The following PPP1R16B variants were observed in gnomAD, a reference collection of about 807,000 sequenced individuals.
The protein encoded by PPP1R16B is protein phosphatase 1 regulatory inhibitor subunit 16B.
A neutral mutation model predicts 61.7 loss-of-function variants in PPP1R16B; 14 were observed. That is an observed-to-expected ratio of 0.23 (90% CI 0.15 to 0.35). The LOEUF (loss-of-function observed/expected upper bound fraction) is 0.35. Among genes scored for constraint, PPP1R16B ranks in the 10% least tolerant of loss-of-function variants. PPP1R16B has a pLI of 1.00. For missense variants in PPP1R16B, 547 were observed against 752.5 expected, an observed-to-expected ratio of 0.73 and a Z score of 3.19; for synonymous variants, 266 against 305.3, an observed-to-expected ratio of 0.87 and a Z score of 1.34.
At position 38,810,073 on chromosome 20, in the gene PPP1R16B, G is replaced by A. The variant is rs894385374; in HGVS notation, c.-102+4281G>A. On this transcript the variant is annotated intron_variant, in intron 1 of 10. Coordinates refer to ENST00000299824, the MANE Select transcript of PPP1R16B (RefSeq NM_015568.4). Reference sequence around the variant, plus strand: ...TATTAATAAGTGCTCACAGATGTTCGTTGCTATTATTAGTCTATTATTGCC... The same window carrying A: ...TATTAATAAGTGCTCACAGATGTTCATTGCTATTATTAGTCTATTATTGCC... Among the ~76,000 whole-genome samples, 22 of 151,302 alleles carry A rather than the reference G, an allele frequency of 1.5e-4. 1 individual carries two copies. Among genetic ancestry groups the A allele is most frequent in the Admixed American group, 1.1e-3 (17 of 15,180 alleles).
chr20:38,867,972 C>T lies in PPP1R16B; in HGVS notation c.251-21623C>T, dbSNP rs548782268. On this transcript the variant is annotated intron_variant, in intron 2 of 10. Coordinates refer to ENST00000299824, the MANE Select transcript of PPP1R16B (RefSeq NM_015568.4). ...ACAGGTGTGAGCCACCACACCTGGCCGTGATTCTTTGATTCTATCAGTTGG... is the reference window on the plus strand; with the variant it reads ...ACAGGTGTGAGCCACCACACCTGGCTGTGATTCTTTGATTCTATCAGTTGG... Among the ~76,000 whole-genome samples the T allele has an allele frequency of 3.9e-5, 6 of 152,290 alleles. No individual in the cohort carries two copies. In the South Asian group the frequency reaches 8.3e-4, roughly 21 times the overall value.
In PPP1R16B at chr20:38,860,981, G is replaced by A. The variant is rs1221873714; in HGVS notation, c.250+24806G>A. Among the ~76,000 whole-genome samples the A allele has an allele frequency of 3.3e-5, 5 of 152,240 alleles. No homozygotes were observed. In the South Asian group the frequency reaches 8.3e-4, roughly 25 times the overall value. ...GCTCTTCCTCCCACTGGGAGTATCC[G>A]TGTTCTCCTCCAGTAGTGCCCATCT... On this transcript the variant is annotated intron_variant, in intron 2 of 10. Coordinates refer to ENST00000299824, the MANE Select transcript of PPP1R16B (RefSeq NM_015568.4).
chr20:38,818,635 T>C lies in PPP1R16B; in HGVS notation c.-102+12843T>C, dbSNP rs77238309. On this transcript the variant is annotated intron_variant, in intron 1 of 10. Coordinates refer to ENST00000299824, the MANE Select transcript of PPP1R16B (RefSeq NM_015568.4). ...TTGGGAACTGCTGCATTCAATATTC[T>C]TGTCTTGACAACAGCTCAGATTAGC... Among the ~76,000 whole-genome samples, 757 of 152,300 alleles carry C rather than the reference T, an allele frequency of 5.0e-3. 6 individuals are homozygous for C. Among genetic ancestry groups the C allele is most frequent in the African/African-American group, 0.017 (703 of 41,554 alleles).
intron 1 of PPP1R16B, among the ~76,000 whole-genome samples, chr20:38,821,040 C>CAAA (rs11483114): frequency 2.5e-4 from 30 of 121,530 alleles, no homozygotes; most frequent in Middle Eastern, 4.6e-3. Flanking sequence ...GACTCCGTCT[C>CAAA]AAAAAAAAAA....
At chr20:38,876,961 A>G (rs1363567710) in intron 2 of PPP1R16B, among the ~76,000 whole-genome samples, 2 of 152,224 alleles carry the variant, frequency 1.3e-5, no homozygotes, top group Non-Finnish European at 2.9e-5. Flanking sequence ...ATGTATGGAA[A>G]GCATTTTTTT....
intron 7 of PPP1R16B, 136 bp downstream of exon 7, chr20:38,906,230 G>A (rs1175519903): frequency 1.2e-6 from 1 of 847,734 alleles, no homozygotes; most frequent in Non-Finnish European, 1.6e-6. Context: ...CTCATATGTG[G>A]GATATGAAAA....
chr20:38,827,385 C>T (rs2084811329), intron 1 of PPP1R16B, among the ~76,000 whole-genome samples: 1 of 152,216 alleles, frequency 6.6e-6, no homozygotes, highest in Non-Finnish European at 1.5e-5. Flanking sequence ...TGAGTTGTTT[C>T]ATCACTCTTT....
At chr20:38,832,445 A>G (rs2084843446) in intron 1 of PPP1R16B, among the ~76,000 whole-genome samples, 1 of 152,184 alleles carries the variant, frequency 6.6e-6, no homozygotes, top group Non-Finnish European at 1.5e-5. Context: ...GTGGTTGTGA[A>G]TTGAACTCTT....
Position 38,918,908 on chromosome 20 carries a change from A to C in PPP1R16B, c.*242A>C. 1 of 440,188 alleles carries C rather than the reference A, an allele frequency of 2.3e-6. No homozygotes were observed. The highest frequency in any genetic ancestry group is 5.9e-5 in the South Asian group (1 of 16,964). The allele number at this position is 440,188 out of a possible 1,614,324, so 27.3% of individuals were successfully genotyped here. The stretch of plus-strand genomic sequence containing the variant: ...AAGGCCTGTCGTGGCCTCCTGGTTC[A>C]CTCTGCTGTCTGATCTTGGGAGGGT... On this transcript the variant is annotated 3_prime_UTR_variant, in exon 11 of 11. Transcript: ENST00000299824. The surrounding 1 kb of genome is among the most constrained non-coding windows in gnomAD (Gnocchi z 5.3).
chr20:38,809,250 G>C (rs192003588), intron 1 of PPP1R16B, among the ~76,000 whole-genome samples: 1 of 151,934 alleles, frequency 6.6e-6, no homozygotes, highest in Admixed American at 6.6e-5. Context: ...CTCCTGGGGC[G>C]GGGGTGGGGG....
chr20:38,832,144 G>A (rs2145717337), intron 1 of PPP1R16B, among the ~76,000 whole-genome samples: 1 of 152,318 alleles, frequency 6.6e-6, no homozygotes. Flanking sequence ...CCACTATCTA[G>A]CGGTGGTATG....
At chr20:38,905,390 C>T (rs1406162572) in intron 6 of PPP1R16B, among the ~76,000 whole-genome samples, 1 of 152,218 alleles carries the variant, frequency 6.6e-6, no homozygotes, top group Non-Finnish European at 1.5e-5. Context: ...CTCAGTTTCT[C>T]ACCTCTTTAG....
Position 38,906,970 on chromosome 20 carries a change from G to A in PPP1R16B, c.823-9G>A, listed in dbSNP as rs1426197015. 1 of 1,613,052 alleles carries A rather than the reference G, an allele frequency of 6.2e-7. No homozygotes were observed. The highest frequency in any genetic ancestry group is 8.5e-7 in the Non-Finnish European group (1 of 1,179,152). On this transcript the variant is annotated splice_polypyrimidine_tract_variant and intron_variant, in intron 7 of 10. Coordinates refer to ENST00000299824, the MANE Select transcript of PPP1R16B (RefSeq NM_015568.4). ...CAGGGGGACACATGAGCTTCTTCCT[G>A]TGTTTCAGATGCAGATGGCAGAGCT...
chr20:38,810,760 C>T (rs79251793), intron 1 of PPP1R16B, among the ~76,000 whole-genome samples: 4,009 of 152,268 alleles, frequency 0.026, 95 homozygotes, highest in Admixed American at 0.073. Context: ...AATGAATGCA[C>T]TTATCCCCCA....
At chr20:38,857,878 T>A (rs992584192) in intron 2 of PPP1R16B, among the ~76,000 whole-genome samples, 1 of 151,968 alleles carries the variant, frequency 6.6e-6, no homozygotes, top group Non-Finnish European at 1.5e-5. Context: ...AGAACTTCAG[T>A]TGGGCACTAG....
rs1320891887 is a variant in PPP1R16B, at chr20:38,835,900, C to G, written c.-26C>G. 3.9e-6 allele frequency: 6 copies of G among 1,519,878 alleles called. No individual in the cohort carries two copies. The highest frequency in any genetic ancestry group is 2.8e-5 in the African/African-American group (2 of 72,624). The allele number at this position is 1,519,878 out of a possible 1,614,324, so 94.1% of individuals were successfully genotyped here. On this transcript the variant is annotated 5_prime_UTR_variant, in exon 2 of 11. Coordinates refer to ENST00000299824, the MANE Select transcript of PPP1R16B (RefSeq NM_015568.4). The stretch of plus-strand genomic sequence containing the variant: ...CCCGGTGCACCGTGCTAGCCCCCAG[C>G]CAGGGCGTTGGGGAGGGCGGTGGCC...
Position 38,900,635 on chromosome 20 carries a change from C to A in PPP1R16B, c.522C>A (p.Cys174Ter). 6.3e-7 allele frequency: 1 copy of A among 1,594,062 alleles called. No individual in the cohort carries two copies. The highest frequency in any genetic ancestry group is 8.5e-7 in the Non-Finnish European group (1 of 1,171,978). Reference protein sequence around the residue: ...NSDGNMPYDLCEDEPTLDVIE... With the variant: ...NSDGNMPYDL Reference sequence around the variant, plus strand: ...ATGGGAACATGCCATATGACCTCTGCGAGGATGAACCCACCCTGGATGTCA... The same window carrying A: ...ATGGGAACATGCCATATGACCTCTGAGAGGATGAACCCACCCTGGATGTCA... Residue 174 changes from cysteine to a stop codon, truncating the protein, a stop_gained, in exon 5 of 11, where the codon TGC becomes TGA. Transcript: ENST00000299824. LOFTEE classifies it high-confidence loss of function.
At chr20:38,873,981 G>C (rs148285610) in intron 2 of PPP1R16B, among the ~76,000 whole-genome samples, 1 of 151,878 alleles carries the variant, frequency 6.6e-6, no homozygotes, top group Non-Finnish European at 1.5e-5. Context: ...TGCCCGCCTC[G>C]GCCTCCCAAA....
At chr20:38,808,492 A>T (rs888625445) in intron 1 of PPP1R16B, among the ~76,000 whole-genome samples, 5 of 152,162 alleles carry the variant, frequency 3.3e-5, no homozygotes, top group Non-Finnish European at 4.4e-5. Context: ...TCCTGAGTGC[A>T]TCTTAGCAAT....
Sources: allele counts gnomAD v4.1 joint callset (sites outside exome capture counted in the v4.1 genomes callset), GRCh38; gene constraint gnomAD v4.1.1; non-coding constraint Gnocchi (gnomAD v3.1); transcripts MANE v1.5; gene names NCBI Gene and HGNC (gene_info 2026-07-23, HGNC 2026-07-21).